Variants in XPNPEP3 observed in about 807,000 individuals in gnomAD.
The protein encoded by XPNPEP3 is xaa-Pro aminopeptidase 3.
Under a neutral mutation model 60.0 loss-of-function variants are expected in XPNPEP3, and 41 were observed. That is an observed-to-expected ratio of 0.68 (90% CI 0.53 to 0.89). The LOEUF (loss-of-function observed/expected upper bound fraction) is 0.89. XPNPEP3 is among the 40% of genes least tolerant of loss of function. The probability of loss-of-function intolerance (pLI) is 0.00; values close to 1 mark genes in which losing one functional copy is unlikely to be tolerated. For missense variants in XPNPEP3, 598 were observed against 638.9 expected (o/e 0.94, Z 0.69); for synonymous variants, 212 against 223.2 (o/e 0.95, Z 0.45).
At chr22:40,901,235 A>ATTTTTT (rs1569026472) in intron 4 of XPNPEP3, among the ~76,000 whole-genome samples, 2 of 20,358 alleles carry the variant, frequency 9.8e-5, no homozygotes, top group Non-Finnish European at 8.6e-5. Flanking sequence ...TATTTAAAGA[A>ATTTTTT]CTTTTTTTTT....
intron 4 of XPNPEP3, among the ~76,000 whole-genome samples, chr22:40,901,463 G>T (rs573419751): frequency 6.6e-6 from 1 of 151,870 alleles, no homozygotes; most frequent in African/African-American, 2.4e-5. Context: ...TCTAACTCCC[G>T]AACTCAGGTG....
At chr22:40,904,087 A>C (rs2058145368) in intron 4 of XPNPEP3, among the ~76,000 whole-genome samples, 1 of 152,172 alleles carries the variant, frequency 6.6e-6, no homozygotes, top group African/African-American at 2.4e-5. Context: ...CACTTAGTGA[A>C]GTAAGAGTGT....
chr22:40,887,061 T>C (rs772271941), intron 4 of XPNPEP3, among the ~76,000 whole-genome samples: 10 of 152,092 alleles, frequency 6.6e-5, no homozygotes, highest in Non-Finnish European at 1.3e-4. Context: ...TTATTTCTCC[T>C]TAGAACGACA....
chr22:40,877,307 A>G (rs2058031326), intron 2 of XPNPEP3, among the ~76,000 whole-genome samples: 2 of 152,192 alleles, frequency 1.3e-5, no homozygotes, highest in African/African-American at 4.8e-5. Flanking sequence ...ACTTCCTTAT[A>G]TGCTGCGAAA....
At chr22:40,863,600 C>A (rs1271912806) in intron 1 of XPNPEP3, among the ~76,000 whole-genome samples, 3 of 152,110 alleles carry the variant, frequency 2.0e-5, no homozygotes, top group Non-Finnish European at 2.9e-5. Context: ...AATTTAAATT[C>A]TCTCCAGTGT....
chr22:40,881,258 G>A (rs748589834), intron 2 of XPNPEP3, among the ~76,000 whole-genome samples: 16 of 151,546 alleles, frequency 1.1e-4, no homozygotes, highest in Non-Finnish European at 2.1e-4. Context: ...CATGTTGGCC[G>A]GGCTGGTCTT....
At chr22:40,903,946 TCTCTA>T (rs2058144941) in intron 4 of XPNPEP3, among the ~76,000 whole-genome samples, 1 of 152,114 alleles carries the variant, frequency 6.6e-6, no homozygotes, top group African/African-American at 2.4e-5. Context: ...ATGCTTTTTC[TCTCTA>T]CTCTCCCTTC....
chr22:40,907,094 A>G (rs1324107859), intron 4 of XPNPEP3: 2 of 456,226 alleles, frequency 4.4e-6, no homozygotes, highest in Non-Finnish European at 8.8e-6. Flanking sequence ...GAGGGGACAC[A>G]TTCAAGTCAA....
At chr22:40,898,966 C>A (rs2058120619) in intron 4 of XPNPEP3, among the ~76,000 whole-genome samples, 1 of 152,206 alleles carries the variant, frequency 6.6e-6, no homozygotes, top group African/African-American at 2.4e-5. Context: ...CCCCTCCCTT[C>A]ATCCATTTTA....
chr22:40,868,598 T>C (rs1387291428), intron 1 of XPNPEP3, among the ~76,000 whole-genome samples: 1 of 152,176 alleles, frequency 6.6e-6, no homozygotes, highest in Non-Finnish European at 1.5e-5. Flanking sequence ...CTCATGCCTG[T>C]AATCCCAACA....
intron 1 of XPNPEP3, chr22:40,861,320 A>C: frequency 6.2e-7 from 1 of 1,614,074 alleles, no homozygotes; most frequent in Non-Finnish European, 8.5e-7. Flanking sequence ...TGGCCACACT[A>C]TTTACAAGAA....
At chr22:40,871,084 C>G (rs1227778694) in intron 2 of XPNPEP3, among the ~76,000 whole-genome samples, 1 of 151,914 alleles carries the variant, frequency 6.6e-6, no homozygotes, top group African/African-American at 2.4e-5. Context: ...TCTCTTAGGC[C>G]AGGTACAGTG....
At chr22:40,867,801 G>A (rs187294039) in intron 1 of XPNPEP3, among the ~76,000 whole-genome samples, 20 of 152,206 alleles carry the variant, frequency 1.3e-4, no homozygotes, top group African/African-American at 4.8e-4. Flanking sequence ...AGATGGATAA[G>A]TGCATTTATA....
intron 1 of XPNPEP3, among the ~76,000 whole-genome samples, chr22:40,866,471 G>T (rs777582945): frequency 2.6e-5 from 4 of 152,064 alleles, no homozygotes; most frequent in Non-Finnish European, 5.9e-5. Flanking sequence ...GTATAAGCAG[G>T]CAGTGTCCAC....
In XPNPEP3 at chr22:40,889,019, G is replaced by T. The variant is rs1249983356; in HGVS notation, c.792+2504G>T. The stretch of plus-strand genomic sequence containing the variant: ...CTGCCTTCCTAATGGTTTTTTTTTT[G>T]TTTTGTTTTGTTTTGTTTTGTTTTT... On this transcript the variant is annotated intron_variant, in intron 4 of 9. Transcript: ENST00000357137. 2.7e-4 allele frequency among the ~76,000 whole-genome samples: 40 copies of T among 149,898 alleles called. No individual in the cohort carries two copies. In the East Asian group the frequency reaches 5.6e-3, roughly 21 times the overall value.
chr22:40,883,342 A>G (rs774840080), intron 3 of XPNPEP3, among the ~76,000 whole-genome samples: 3 of 152,014 alleles, frequency 2.0e-5, no homozygotes, highest in Non-Finnish European at 2.9e-5. Flanking sequence ...TGTGGTTCAT[A>G]TACAGTTGAG....
At chr22:40,894,727 G>A (rs2058101382) in intron 4 of XPNPEP3, among the ~76,000 whole-genome samples, 1 of 152,148 alleles carries the variant, frequency 6.6e-6, no homozygotes, top group Non-Finnish European at 1.5e-5. Context: ...ATCAAGTTAG[G>A]CCATCAACTG....
At chr22:40,917,104 C>G (rs1243237049) in intron 7 of XPNPEP3, 3 of 152,254 alleles carry the variant, frequency 2.0e-5, no homozygotes, top group Admixed American at 6.6e-5. Flanking sequence ...AAAAAAACCC[C>G]ACAATGACCA....
At chr22:40,880,905 C>A (rs1224320067) in intron 2 of XPNPEP3, among the ~76,000 whole-genome samples, 1 of 151,806 alleles carries the variant, frequency 6.6e-6, no homozygotes, top group Non-Finnish European at 1.5e-5. Context: ...TTAGGAGTTG[C>A]CAGGGGCTGG....
Sources: allele counts gnomAD v4.1 joint callset (sites outside exome capture counted in the v4.1 genomes callset), GRCh38; gene constraint gnomAD v4.1.1; transcripts MANE v1.5; gene names NCBI Gene and HGNC (gene_info 2026-07-23, HGNC 2026-07-21).